ANGPT2: variants seen among roughly 807,000 people sequenced by gnomAD.
The protein encoded by ANGPT2 is angiopoietin 2.
A neutral mutation model predicts 62.9 loss-of-function variants in ANGPT2; 28 were observed. The ratio of observed to expected loss-of-function variants is 0.44; its 90% CI spans 0.33 to 0.61. ANGPT2 has a LOEUF of 0.61. ANGPT2 is among the 20% of genes least tolerant of loss of function. ANGPT2 has a pLI of 0.03. For synonymous variants in ANGPT2, 284 were observed against 207.8 expected (o/e 1.37, Z -3.15); for missense variants, 727 against 594.9 (o/e 1.22, Z -2.31).
chr8:6,518,174 G>A (rs537369976), intron 5 of ANGPT2, among the ~76,000 whole-genome samples: 31 of 152,256 alleles, frequency 2.0e-4, no homozygotes, highest in African/African-American at 7.2e-4. Flanking sequence ...CATGGTTAGC[G>A]GCTGTCCCTC....
rs1563307643 is a variant in ANGPT2 at position 6,505,513 on chromosome 8, AATATATATTCTTT to A, written c.1328-2265_1328-2253del. 7.0e-4 allele frequency among the ~76,000 whole-genome samples: 2 copies of A among 2,844 alleles called. 1 individual carries two copies. The highest frequency in any genetic ancestry group is 1.4e-3 in the Non-Finnish European group (2 of 1,398). 1.9% of individuals were successfully genotyped at this position (2,844 alleles called of 152,430 possible). A position where few individuals can be genotyped will look rare whatever the true frequency, so the allele number is the denominator to read the frequency against. On this transcript the variant is annotated intron_variant, in intron 8 of 8. Transcript: ENST00000629816. Reference sequence around the variant, plus strand: ...ATATTCTTTATATATGTATATATAGAATATATATTCTTTATATATGTATATATAGAATATATAT... The same window carrying A: ...ATATTCTTTATATATGTATATATAGAATATATGTATATATAGAATATATAT...
In ANGPT2 at chr8:6,514,767, G is replaced by A. The variant is rs1193337779; in HGVS notation, c.939C>T (p.Asp313=). Residue 313 remains aspartate (D), a synonymous_variant, in exon 6 of 9, where the codon GAC becomes GAT. Coordinates refer to ENST00000629816, the MANE Select transcript of ANGPT2 (RefSeq NM_001118887.2). ...NSTEEIKAYC[D]MEAGGGGWTI... The stretch of plus-strand genomic sequence containing the variant: ...TCCACCCGCCTCCTCCAGCTTCCAT[G>A]TCACAGTAGGCCTGCAAACAGGAAT... 3 of 1,613,924 alleles carry A rather than the reference G, an allele frequency of 1.9e-6. No individual in the cohort carries two copies. The highest frequency in any genetic ancestry group is 2.2e-5 in the East Asian group (1 of 44,868).
At chr8:6,560,816 T>G (rs1825416480) in intron 1 of ANGPT2, among the ~76,000 whole-genome samples, 1 of 152,236 alleles carries the variant, frequency 6.6e-6, no homozygotes, top group Non-Finnish European at 1.5e-5. Flanking sequence ...GAAAGAAATA[T>G]GAGCTTTGCT....
Position 6,556,423 on chromosome 8 carries a change from G to A in ANGPT2, c.288+6224C>T, listed in dbSNP as rs543143338. 2.2e-4 allele frequency among the ~76,000 whole-genome samples: 33 copies of A among 152,066 alleles called. 1 individual carries two copies. The South Asian group carries it at 6.4e-3, about 30-fold the overall frequency. ...ATTTTCCTTTTATAAAAGGGTTTCC[G>A]TGTAGTGACCAAGGACTTAACATCA... On this transcript the variant is annotated intron_variant, in intron 1 of 8. Transcript: ENST00000629816.
At chr8:6,555,733 G>T (rs1052048246) in intron 1 of ANGPT2, among the ~76,000 whole-genome samples, 1 of 152,138 alleles carries the variant, frequency 6.6e-6, no homozygotes, top group Non-Finnish European at 1.5e-5. Flanking sequence ...AAAGTGCTGC[G>T]ATTACAGGCA....
At chr8:6,505,300 T>G (rs1488435989) in intron 8 of ANGPT2, among the ~76,000 whole-genome samples, 3 of 53,976 alleles carry the variant, frequency 5.6e-5, no homozygotes, top group African/African-American at 3.1e-4. Flanking sequence ...TATACATATA[T>G]ATGTATATAA....
chr8:6,562,772 A>G lies in ANGPT2; in HGVS notation c.163T>C (p.Ser55Pro), dbSNP rs1354925701. The change falls in exon 1 of 9, where the codon TCT (serine) becomes CCT (proline). Residue 55 changes from serine to proline, a missense_variant. Ser to Pro is a moderately conservative substitution (Grantham distance 74). Coordinates refer to ENST00000629816, the MANE Select transcript of ANGPT2 (RefSeq NM_001118887.2). Reference protein sequence around the residue: ...FLLPEMDNCRSSSSPYVSNAV... With the variant: ...FLLPEMDNCRPSSSPYVSNAV... ...TTGGACACGTAGGGGCTGGAGGAAG[A>G]GCGGCAGTTGTCCATCTCTGGCAGG... is the stretch of plus-strand genomic sequence containing the variant. 1.2e-6 allele frequency: 2 copies of G among 1,613,856 alleles called. No homozygotes were observed. Among genetic ancestry groups the G allele is most frequent in the South Asian group, 1.1e-5 (1 of 91,066 alleles).
At chr8:6,536,985 A>AT (rs1232992983) in intron 1 of ANGPT2, among the ~76,000 whole-genome samples, 1 of 151,714 alleles carries the variant, frequency 6.6e-6, no homozygotes, top group Non-Finnish European at 1.5e-5. Flanking sequence ...AAAAAAAAAA[A>AT]AAAAACCAAC....
chr8:6,524,940 C>T (rs1277143475), intron 3 of ANGPT2, among the ~76,000 whole-genome samples: 2 of 152,232 alleles, frequency 1.3e-5, no homozygotes, highest in African/African-American at 4.8e-5. Context: ...TCCTGTGTCA[C>T]AAGGGCAGAC....
intron 1 of ANGPT2, among the ~76,000 whole-genome samples, chr8:6,542,836 C>A (rs1016551461): frequency 6.6e-6 from 1 of 152,072 alleles, no homozygotes; most frequent in Non-Finnish European, 1.5e-5. Context: ...TACTTGGTCA[C>A]AATGACTATC....
chr8:6,532,528 G>A (rs750750497), intron 1 of ANGPT2, 41 bp from the exon 2 acceptor site: 1 of 1,486,890 alleles, frequency 6.7e-7, no homozygotes, highest in Non-Finnish European at 9.0e-7. Flanking sequence ...TTAGTCAAAT[G>A]ACCGGAAACC....
chr8:6,525,663 A>C (rs1818195388), intron 3 of ANGPT2, among the ~76,000 whole-genome samples: 1 of 150,668 alleles, frequency 6.6e-6, no homozygotes, highest in African/African-American at 2.5e-5. Flanking sequence ...ATCATAGGCC[A>C]GTCAGAATTA....
chr8:6,549,865 T>C (rs757661434), intron 1 of ANGPT2, among the ~76,000 whole-genome samples: 30 of 152,306 alleles, frequency 2.0e-4, no homozygotes, highest in Non-Finnish European at 3.8e-4. Context: ...TTATTCTGTG[T>C]AAGTTATATC....
chr8:6,519,774 T>C (rs964220157), intron 5 of ANGPT2, 90 bp downstream of exon 5: 11 of 1,495,300 alleles, frequency 7.4e-6, no homozygotes, highest in Admixed American at 7.2e-5. Context: ...GGGAAGATCT[T>C]TGGGGAGAGA....
chr8:6,543,894 G>A (rs1430445147), intron 1 of ANGPT2, among the ~76,000 whole-genome samples: 4 of 152,158 alleles, frequency 2.6e-5, no homozygotes, highest in Admixed American at 6.5e-5. Context: ...CTGAAAGGGC[G>A]CAATCTTTTT....
Position 6,508,132 on chromosome 8 carries a change from A to G in ANGPT2, c.1327+800T>C, listed in dbSNP as rs769551713. ...CTCATTTGTGTTTATAGGTGTTGCT[A>G]TATATTAATGGAATCTTTTTTAAAA... is the stretch of plus-strand genomic sequence containing the variant. On this transcript the variant is annotated intron_variant, in intron 8 of 8. Transcript: ENST00000629816. 8 of 152,340 alleles carry G rather than the reference A, an allele frequency of 5.3e-5. No individual in the cohort carries two copies. The South Asian group carries it at 6.2e-4, about 12-fold the overall frequency. The allele number at this position is 152,340 out of a possible 1,614,324, so 9.4% of individuals were successfully genotyped here. A position where few individuals can be genotyped will look rare whatever the true frequency, so the allele number is the denominator to read the frequency against.
intron 6 of ANGPT2, 30 bp downstream of exon 6, chr8:6,514,647 C>A: frequency 1.8e-5 from 29 of 1,593,374 alleles, no homozygotes; most frequent in Non-Finnish European, 2.5e-5. Flanking sequence ...AAGGGAAATT[C>A]TTTTCTGATG....
At chr8:6,542,828 C>G (rs979045165) in intron 1 of ANGPT2, among the ~76,000 whole-genome samples, 7 of 152,108 alleles carry the variant, frequency 4.6e-5, no homozygotes, top group African/African-American at 9.7e-5. Flanking sequence ...ACTGAATTTA[C>G]TTGGTCACAA....
intron 3 of ANGPT2, among the ~76,000 whole-genome samples, chr8:6,522,864 C>A (rs1194809946): frequency 1.3e-5 from 2 of 152,110 alleles, no homozygotes; most frequent in African/African-American, 4.8e-5. Flanking sequence ...GAATACAATC[C>A]CAGAACTTTC....
Sources: allele counts gnomAD v4.1 joint callset (sites outside exome capture counted in the v4.1 genomes callset), GRCh38; gene constraint gnomAD v4.1.1; transcripts MANE v1.5; gene names NCBI Gene and HGNC (gene_info 2026-07-23, HGNC 2026-07-21).